Variants in BCAT1 observed in about 807,000 individuals in gnomAD.
BCAT1 encodes the protein branched chain amino acid transaminase 1, also known as branched-chain-amino-acid aminotransferase, cytosolic.
BCAT1 carries 48 observed loss-of-function variants against 52.4 expected under a neutral mutation model. The ratio of observed to expected loss-of-function variants is 0.92; its 90% CI spans 0.73 to 1.16. The LOEUF (loss-of-function observed/expected upper bound fraction) is 1.16, where lower values mean the gene tolerates loss of function less well. Among genes scored for constraint, BCAT1 ranks in the 50% most tolerant of loss-of-function variants. The probability of loss-of-function intolerance (pLI) is 0.00; values close to 1 mark genes in which losing one functional copy is unlikely to be tolerated. For missense variants in BCAT1, 451 were observed against 457.1 expected (o/e 0.99, Z 0.12); for synonymous variants, 167 against 161.3 (o/e 1.04, Z -0.27).
chr12:24,902,844 G>T, intron 1 of BCAT1: 3 of 1,444,702 alleles, frequency 2.1e-6, no homozygotes, highest in South Asian at 1.2e-5. Flanking sequence ...GGCGAAGGAG[G>T]ATGGTGCAGG....
intron 5 of BCAT1, among the ~76,000 whole-genome samples, chr12:24,862,491 G>C (rs1941872151): frequency 6.6e-6 from 1 of 152,184 alleles, no homozygotes; most frequent in South Asian, 2.1e-4. Flanking sequence ...AACACAGAGG[G>C]CTTTCGTGTC....
chr12:24,886,234 A>G (rs913538341), intron 3 of BCAT1, among the ~76,000 whole-genome samples: 2 of 152,176 alleles, frequency 1.3e-5, no homozygotes, highest in Non-Finnish European at 2.9e-5. Context: ...CCTGGGCAAC[A>G]TGGTCAGACC....
In BCAT1 at chr12:24,814,024, T is replaced by C. The variant is rs573092041; in HGVS notation, c.*3984A>G. The C allele has an allele frequency of 6.6e-6, 1 of 152,256 alleles. No individual in the cohort carries two copies. Among genetic ancestry groups the C allele is most frequent in the East Asian group, 1.9e-4 (1 of 5,190 alleles). The allele number at this position is 152,256 out of a possible 1,614,324, so 9.4% of individuals were successfully genotyped here. On this transcript the variant is annotated 3_prime_UTR_variant, in exon 11 of 11. Transcript: ENST00000261192. ...TTTGCCAAGTAATAGGTAATGCTCA[T>C]TGAAAAGCTGGTACCCTTTGCCTCC...
intron 1 of BCAT1, among the ~76,000 whole-genome samples, chr12:24,931,881 A>G (rs898599458): frequency 2.6e-5 from 4 of 152,236 alleles, no homozygotes; most frequent in African/African-American, 9.6e-5. Flanking sequence ...AAAGATGCCA[A>G]GAGGAAGTCT....
intron 10 of BCAT1, among the ~76,000 whole-genome samples, chr12:24,828,988 C>T (rs901043432): frequency 6.6e-6 from 1 of 151,816 alleles, no homozygotes; most frequent in Non-Finnish European, 1.5e-5. Context: ...GCCTGGGTGA[C>T]ACAGCGAGAC....
rs562662209 is a variant in BCAT1, at chr12:24,894,442, A to C, written c.112T>G (p.Leu38Val). The change falls in exon 3 of 11, where the codon TTA becomes GTA. Residue 38 changes from leucine (L) to valine (V), a missense_variant. By Grantham distance (32) the Leu-to-Val change is conservative. Coordinates refer to ENST00000261192, the MANE Select transcript of BCAT1 (RefSeq NM_005504.7). ...TTATTGGGGTCTGGTTTTTCCTTTA[A>C]AATGGTAGCTGGTGTGACTATTAGG... ...KDLIVTPATI[L>V]KEKPDPNNLV... 8 of 1,602,494 alleles carry C rather than the reference A, an allele frequency of 5.0e-6. No individual in the cohort carries two copies. In the African/African-American group the frequency reaches 9.3e-5, roughly 19 times the overall value.
chr12:24,819,688 T>G (rs1835401949), intron 10 of BCAT1, among the ~76,000 whole-genome samples: 1 of 152,148 alleles, frequency 6.6e-6, no homozygotes, highest in African/African-American at 2.4e-5. Context: ...GTGTTTGTCT[T>G]AAAGACCTCA....
intron 3 of BCAT1, among the ~76,000 whole-genome samples, chr12:24,885,514 T>C (rs777539247): frequency 1.2e-4 from 19 of 152,326 alleles, no homozygotes; most frequent in Middle Eastern, 6.8e-3. Context: ...GGGCACTTTA[T>C]TTTCTTTTAA....
At chr12:24,848,124 G>T (rs899360195) in intron 6 of BCAT1, among the ~76,000 whole-genome samples, 3 of 152,014 alleles carry the variant, frequency 2.0e-5, no homozygotes, top group African/African-American at 7.3e-5. Context: ...TTCTTCTCCG[G>T]TCTCTTCCTT....
At chr12:24,921,263 A>AT (rs1591877337) in intron 1 of BCAT1, among the ~76,000 whole-genome samples, 1 of 152,214 alleles carries the variant, frequency 6.6e-6, no homozygotes, top group Non-Finnish European at 1.5e-5. Flanking sequence ...GATTCCAAGG[A>AT]TTTTTAGTAC....
At chr12:24,926,076 C>T (rs1943577025) in intron 1 of BCAT1, among the ~76,000 whole-genome samples, 1 of 152,148 alleles carries the variant, frequency 6.6e-6, no homozygotes, top group African/African-American at 2.4e-5. Flanking sequence ...AGGAGCCCCT[C>T]TGCCTGGCTG....
At chr12:24,922,561 G>T (rs546273783) in intron 1 of BCAT1, among the ~76,000 whole-genome samples, 9 of 152,120 alleles carry the variant, frequency 5.9e-5, no homozygotes, top group African/African-American at 1.9e-4. Flanking sequence ...CAATACTTTC[G>T]ACTATAATTT....
At chr12:24,926,924 C>G (rs575804236) in intron 1 of BCAT1, among the ~76,000 whole-genome samples, 1 of 152,000 alleles carries the variant, frequency 6.6e-6, no homozygotes, top group African/African-American at 2.4e-5. Flanking sequence ...GCCAAATCCC[C>G]CTCTGCGAGA....
At chr12:24,847,414 T>C (rs1445750604) in intron 6 of BCAT1, among the ~76,000 whole-genome samples, 1 of 152,228 alleles carries the variant, frequency 6.6e-6, no homozygotes, top group Non-Finnish European at 1.5e-5. Context: ...TCATTCCTGG[T>C]GTACATTCTA....
intron 5 of BCAT1, among the ~76,000 whole-genome samples, chr12:24,875,996 C>T (rs902065658): frequency 1.3e-5 from 2 of 151,948 alleles, no homozygotes; most frequent in Non-Finnish European, 2.9e-5. Context: ...CTTAAATGTG[C>T]TCAGAACAAT....
intron 1 of BCAT1, among the ~76,000 whole-genome samples, chr12:24,910,067 T>A (rs1052608376): frequency 6.6e-6 from 1 of 152,056 alleles, no homozygotes; most frequent in Non-Finnish European, 1.5e-5. Context: ...CTAGAGACCA[T>A]GAGAGATAAA....
At chr12:24,869,840 A>AT (rs568360154) in intron 5 of BCAT1, among the ~76,000 whole-genome samples, 52 of 152,282 alleles carry the variant, frequency 3.4e-4, no homozygotes, top group African/African-American at 1.2e-3. Flanking sequence ...GGGTCCTTAG[A>AT]TTTTCACTTT....
At chr12:24,837,780 T>G (rs956427039) in intron 7 of BCAT1, among the ~76,000 whole-genome samples, 5 of 152,092 alleles carry the variant, frequency 3.3e-5, no homozygotes, top group Non-Finnish European at 5.9e-5. Context: ...GCAACAAGTA[T>G]GGAGATGCTG....
intron 1 of BCAT1, among the ~76,000 whole-genome samples, chr12:24,939,025 C>G (rs1247379796): frequency 6.6e-6 from 1 of 152,112 alleles, no homozygotes; most frequent in African/African-American, 2.4e-5. Context: ...AGGTGCATGC[C>G]ACCACACCCA....
Sources: gnomAD v4.1 joint callset for allele counts (sites outside exome capture counted in the v4.1 genomes callset) on GRCh38, gnomAD v4.1.1 for gene constraint, MANE v1.5 for transcripts, NCBI Gene and HGNC (gene_info 2026-07-23, HGNC 2026-07-21) for gene names.